Variants in ZFPM2 observed in about 807,000 individuals in gnomAD.
The protein encoded by ZFPM2 is zinc finger protein ZFPM2.
In ZFPM2, 20 loss-of-function variants were observed where a neutral mutation model predicts 98.6. The observed-to-expected ratio is 0.20, with a 90% CI of 0.14 to 0.29. The LOEUF is 0.29. Among genes scored for constraint, ZFPM2 ranks in the 10% least tolerant of loss-of-function variants. The pLI is 1.00. For missense variants in ZFPM2, 1,310 were observed against 1,388.6 expected (o/e 0.94, Z 0.90); for synonymous variants, 518 against 502.7 (o/e 1.03, Z -0.41).
At chr8:105,382,621 G>A (rs762060209) in intron 1 of ZFPM2, among the ~76,000 whole-genome samples, 9 of 152,068 alleles carry the variant, frequency 5.9e-5, no homozygotes, top group Non-Finnish European at 1.3e-4. Context: ...ACATTCTAGA[G>A]AAGTTTTCTA....
chr8:105,565,270 A>G (rs1156550291), intron 4 of ZFPM2, among the ~76,000 whole-genome samples: 1 of 152,170 alleles, frequency 6.6e-6, no homozygotes, highest in Non-Finnish European at 1.5e-5. Context: ...CACCAAACAA[A>G]TTAGTTTGAC....
chr8:105,714,706 C>A (rs1811477387), intron 5 of ZFPM2, among the ~76,000 whole-genome samples: 1 of 151,944 alleles, frequency 6.6e-6, no homozygotes, highest in African/African-American at 2.4e-5. Flanking sequence ...TGTTCAGTGA[C>A]ATAACATTGG....
chr8:105,535,456 T>TATATAATA (rs1350317135), intron 3 of ZFPM2, among the ~76,000 whole-genome samples: 2 of 152,182 alleles, frequency 1.3e-5, no homozygotes, highest in Non-Finnish European at 2.9e-5. Flanking sequence ...ACTCGTATGT[T>TATATAATA]GCATATAATA....
At chr8:105,697,778 G>A (rs2130951078) in intron 5 of ZFPM2, among the ~76,000 whole-genome samples, 1 of 152,212 alleles carries the variant, frequency 6.6e-6, no homozygotes, top group East Asian at 1.9e-4. Flanking sequence ...AGGCCAGACT[G>A]TATTTTTAAC....
At chr8:105,637,745 C>A (rs2130845571) in intron 5 of ZFPM2, among the ~76,000 whole-genome samples, 1 of 152,218 alleles carries the variant, frequency 6.6e-6, no homozygotes, top group Non-Finnish European at 1.5e-5. Flanking sequence ...TCCAAACACA[C>A]TGGACTCAGG....
At chr8:105,348,205 AATAAC>A (rs777305987) in intron 1 of ZFPM2, among the ~76,000 whole-genome samples, 31 of 152,242 alleles carry the variant, frequency 2.0e-4, no homozygotes, top group Non-Finnish European at 4.3e-4. Context: ...AATGGTGACA[AATAAC>A]AGAAAGTAGT....
chr8:105,452,926 A>T (rs1340034859), intron 3 of ZFPM2, among the ~76,000 whole-genome samples: 1 of 152,250 alleles, frequency 6.6e-6, no homozygotes, highest in East Asian at 1.9e-4. Context: ...GCTGAAAGAA[A>T]GAAGTAAACC....
At chr8:105,614,770 A>C (rs1816379291) in intron 4 of ZFPM2, among the ~76,000 whole-genome samples, 1 of 152,160 alleles carries the variant, frequency 6.6e-6, no homozygotes, top group Non-Finnish European at 1.5e-5. Context: ...CTTTTAAGAC[A>C]GGAAAACCTA....
chr8:105,515,070 C>T (rs1335891252), intron 3 of ZFPM2, among the ~76,000 whole-genome samples: 1 of 152,086 alleles, frequency 6.6e-6, no homozygotes, highest in Non-Finnish European at 1.5e-5. Context: ...TTTAAAGGCC[C>T]TGGAAGGTAA....
intron 5 of ZFPM2, among the ~76,000 whole-genome samples, chr8:105,677,574 G>T (rs1470461118): frequency 6.6e-6 from 1 of 151,316 alleles, no homozygotes; most frequent in African/African-American, 2.4e-5. Context: ...TATTGTAGAG[G>T]GTTTTTTTTT....
intron 3 of ZFPM2, among the ~76,000 whole-genome samples, chr8:105,496,998 A>AG (rs1407415906): frequency 3.5e-5 from 5 of 142,884 alleles, no homozygotes; most frequent in Non-Finnish European, 7.6e-5. Context: ...AAAAAAAAAA[A>AG]AAAAAAGAGA....
intron 3 of ZFPM2, among the ~76,000 whole-genome samples, chr8:105,448,050 C>T (rs1490895225): frequency 1.3e-5 from 2 of 151,906 alleles, no homozygotes; most frequent in African/African-American, 4.8e-5. Flanking sequence ...TTTGTGATTC[C>T]TGTTTAAGTA....
intron 5 of ZFPM2, among the ~76,000 whole-genome samples, chr8:105,651,088 A>G (rs1191199198): frequency 6.6e-6 from 1 of 152,032 alleles, no homozygotes; most frequent in African/African-American, 2.4e-5. Context: ...GTGGGGCTTG[A>G]TCTAGTCATC....
At chr8:105,426,428 G>A (rs1811912777) in intron 2 of ZFPM2, among the ~76,000 whole-genome samples, 1 of 152,100 alleles carries the variant, frequency 6.6e-6, no homozygotes, top group Admixed American at 6.6e-5. Context: ...TGATAGGGCT[G>A]ATTGAACAGC....
chr8:105,613,581 G>A (rs1245919736), intron 4 of ZFPM2, among the ~76,000 whole-genome samples: 1 of 152,082 alleles, frequency 6.6e-6, no homozygotes, highest in Non-Finnish European at 1.5e-5. Flanking sequence ...GTAGTTTTTG[G>A]TATCTTTTTA....
chr8:105,376,098 C>T (rs973948264), intron 1 of ZFPM2, among the ~76,000 whole-genome samples: 6 of 152,084 alleles, frequency 3.9e-5, no homozygotes, highest in Non-Finnish European at 7.4e-5. Flanking sequence ...CTCAGCACTC[C>T]CCTAACAGAG....
intron 4 of ZFPM2, among the ~76,000 whole-genome samples, chr8:105,599,021 G>GGAACACACACAC (rs1816034001): frequency 6.6e-6 from 1 of 152,094 alleles, no homozygotes; most frequent in South Asian, 2.1e-4. Context: ...TAGCTAGCAT[G>GGAACACACACAC]GCTATGGAAC....
intron 3 of ZFPM2, among the ~76,000 whole-genome samples, chr8:105,524,711 G>A (rs1313613291): frequency 2.6e-5 from 4 of 152,052 alleles, no homozygotes; most frequent in Admixed American, 6.6e-5. Flanking sequence ...TGCTTCCTCT[G>A]TACTTCAGAA....
At chr8:105,662,958 C>T (rs1231861423) in intron 5 of ZFPM2, 2 of 152,108 alleles carry the variant, frequency 1.3e-5, no homozygotes, top group Non-Finnish European at 1.5e-5. Flanking sequence ...TGAGAGACAA[C>T]ACTCGAAGAA....
Sources: gnomAD v4.1 joint callset for allele counts (sites outside exome capture counted in the v4.1 genomes callset) on GRCh38, gnomAD v4.1.1 for gene constraint, MANE v1.5 for transcripts, NCBI Gene and HGNC (gene_info 2026-07-23, HGNC 2026-07-21) for gene names.